Variants in AGPAT4 observed in about 807,000 individuals in gnomAD.
The protein encoded by AGPAT4 is 1-acylglycerol-3-phosphate O-acyltransferase 4.
In AGPAT4, 15 loss-of-function variants were observed where a neutral mutation model predicts 48.0. The ratio of observed to expected loss-of-function variants is 0.31; its 90% CI spans 0.21 to 0.48. The LOEUF is 0.48. AGPAT4 is among the 20% of genes least tolerant of loss of function. AGPAT4 has a pLI of 0.99. For missense variants in AGPAT4, 314 were observed against 482.5 expected, an observed-to-expected ratio of 0.65 and a Z score of 3.27; for synonymous variants, 178 against 198.7, an observed-to-expected ratio of 0.90 and a Z score of 0.88.
Position 161,154,110 on chromosome 6 carries a change from A to C in AGPAT4, c.510+39T>G. 1 of 1,613,356 alleles carries C rather than the reference A, an allele frequency of 6.2e-7. No homozygotes were observed. The highest frequency in any genetic ancestry group is 1.6e-4 in the Middle Eastern group (1 of 6,062). ...GGGGGTCCCACGGTCACAGTCCTGC[A>C]GGAGCCCTTGGGACACAGCTGCTCT... On this transcript the variant is annotated intron_variant, in intron 4 of 8. Transcript: ENST00000320285. The surrounding 1 kb of genome is among the most constrained non-coding windows in gnomAD (Gnocchi z 7.8).
In AGPAT4 at chr6:161,142,192, C is replaced by T. The variant is rs1024124647; in HGVS notation, c.844-2572G>A. Among the ~76,000 whole-genome samples the T allele has an allele frequency of 2.6e-5, 4 of 152,206 alleles. No individual in the cohort carries two copies. The highest frequency in any genetic ancestry group is 9.6e-5 in the African/African-American group (4 of 41,456). ...AGTTTTCTTTGTCTGTGGTTTAAAA[C>T]ACTAAATCTCATCCCCTCCCCTCAC... On this transcript the variant is annotated intron_variant, in intron 7 of 8. Transcript: ENST00000320285. This position sits in a 1 kb window ranked among gnomAD's most constrained non-coding sequence, Gnocchi z 6.4.
In AGPAT4 at chr6:161,222,769, C is replaced by T. The variant is rs961750000; in HGVS notation, c.178+9267G>A. Among the ~76,000 whole-genome samples, 3 of 152,146 alleles carry T rather than the reference C, an allele frequency of 2.0e-5. No individual in the cohort carries two copies. The highest frequency in any genetic ancestry group is 4.4e-5 in the Non-Finnish European group (3 of 68,028). ...GTTGCTGCTAGGCGCTACTGTATGC[C>T]TGCCTGCTCTCCTGCAGGTGTCTGT... is the stretch of plus-strand genomic sequence containing the variant. On this transcript the variant is annotated intron_variant, in intron 2 of 8. Transcript: ENST00000320285. The surrounding 1 kb of genome is among the most constrained non-coding windows in gnomAD (Gnocchi z 5.9).
rs963441288 is a variant in AGPAT4 at position 161,146,702 on chromosome 6, T to C, written c.768-103A>G. On this transcript the variant is annotated intron_variant, in intron 6 of 8. Coordinates refer to ENST00000320285, the MANE Select transcript of AGPAT4 (RefSeq NM_020133.3). This position sits in a 1 kb window ranked among gnomAD's most constrained non-coding sequence, Gnocchi z 7.1. ...GTTTTTTGTTTTTATCTGGGTCACC[T>C]AAATAATGTGGAACTGAAGAGAGTA... 9.8e-6 allele frequency: 10 copies of C among 1,019,958 alleles called. No individual in the cohort carries two copies. Among genetic ancestry groups the C allele is most frequent in the Admixed American group, 2.0e-5 (1 of 50,850 alleles). 63.2% of individuals were successfully genotyped at this position (1,019,958 alleles called of 1,614,324 possible). A position where few individuals can be genotyped will look rare whatever the true frequency, so the allele number is the denominator to read the frequency against.
intron 1 of AGPAT4, among the ~76,000 whole-genome samples, chr6:161,237,207 A>G (rs1370744910): frequency 6.6e-6 from 1 of 152,236 alleles, no homozygotes; most frequent in Non-Finnish European, 1.5e-5. Context: ...AAGGAGACAT[A>G]ATCTAATCCA....
chr6:161,135,044 T>C lies in AGPAT4; in HGVS notation c.*1496A>G, dbSNP rs1441998316. ...TTATTGTCCTGTAAGCAGAGGGAGC[T>C]TCTCTAGAGCTGTCTTGTAACTCCT... On this transcript the variant is annotated 3_prime_UTR_variant, in exon 9 of 9. Transcript: ENST00000320285. 6.6e-6 allele frequency: 1 copy of C among 152,214 alleles called. No individual in the cohort carries two copies. The highest frequency in any genetic ancestry group is 1.5e-5 in the Non-Finnish European group (1 of 68,050). 9.4% of individuals were successfully genotyped at this position (152,214 alleles called of 1,614,324 possible).
intron 2 of AGPAT4, among the ~76,000 whole-genome samples, chr6:161,205,761 T>TAATAATAACAAC (rs71004032): frequency 8.1e-5 from 12 of 149,040 alleles, no homozygotes; most frequent in African/African-American, 1.2e-4. Flanking sequence ...ATAATAATAA[T>TAATAATAACAAC]AACAACAAAC....
rs901148645 is a variant in AGPAT4, at chr6:161,130,576, C to T, written c.*5964G>A. ...CACTGTTCACTTAGAGCAACTCATT[C>T]CCTGACCTGAACCGGGTGTGTTCCA... is the stretch of plus-strand genomic sequence containing the variant. On this transcript the variant is annotated 3_prime_UTR_variant, in exon 9 of 9. Coordinates refer to ENST00000320285, the MANE Select transcript of AGPAT4 (RefSeq NM_020133.3). 1.5e-5 allele frequency: 3 copies of T among 206,140 alleles called. No individual in the cohort carries two copies. The highest frequency in any genetic ancestry group is 6.8e-5 in the African/African-American group (3 of 44,068). 12.8% of individuals were successfully genotyped at this position (206,140 alleles called of 1,614,324 possible).
rs1006009389 is a variant in AGPAT4 at position 161,264,887 on chromosome 6, T to C, written c.-90+9051A>G. ...AGGACTAGTTATGGGACCCCTAGAGTCCCCCAGGGCTGGGGAGCTGAAGCC... is the reference window on the plus strand; with the variant it reads ...AGGACTAGTTATGGGACCCCTAGAGCCCCCCAGGGCTGGGGAGCTGAAGCC... On this transcript the variant is annotated intron_variant, in intron 1 of 8. Transcript: ENST00000320285. The surrounding 1 kb of genome is among the most constrained non-coding windows in gnomAD (Gnocchi z 6.8). Among the ~76,000 whole-genome samples, 1 of 151,518 alleles carries C rather than the reference T, an allele frequency of 6.6e-6. No homozygotes were observed. The highest frequency in any genetic ancestry group is 2.4e-5 in the African/African-American group (1 of 41,174).
Position 161,136,537 on chromosome 6 carries a change from G to A in AGPAT4, c.*3C>T, listed in dbSNP as rs1779072434. 3 of 1,613,850 alleles carry A rather than the reference G, an allele frequency of 1.9e-6. No individual in the cohort carries two copies. The South Asian group carries it at 3.3e-5, about 18-fold the overall frequency. On this transcript the variant is annotated 3_prime_UTR_variant, in exon 9 of 9. Transcript: ENST00000320285. Reference sequence around the variant, plus strand: ...TCCCTTCGGATGGTGACACCTCCCTGAGTCAGTCATTCAGTTTCTGCTTGC... The same window carrying A: ...TCCCTTCGGATGGTGACACCTCCCTAAGTCAGTCATTCAGTTTCTGCTTGC...
rs910245919 is a variant in AGPAT4, at chr6:161,202,190, G to C, written c.178+29846C>G. On this transcript the variant is annotated intron_variant, in intron 2 of 8. Transcript: ENST00000320285. The surrounding 1 kb of genome is among the most constrained non-coding windows in gnomAD (Gnocchi z 5.4). The stretch of plus-strand genomic sequence containing the variant: ...ATTATCTCCGACAGTTTCTGAAGGT[G>C]GAGAATTCAGGACTGACATGGCTGA... 2.6e-5 allele frequency among the ~76,000 whole-genome samples: 4 copies of C among 152,134 alleles called. No individual in the cohort carries two copies. Among genetic ancestry groups the C allele is most frequent in the African/African-American group, 9.7e-5 (4 of 41,412 alleles).
At chr6:161,258,617 C>T (rs1311625420) in intron 1 of AGPAT4, among the ~76,000 whole-genome samples, 2 of 152,010 alleles carry the variant, frequency 1.3e-5, no homozygotes, top group Non-Finnish European at 2.9e-5. Context: ...TGGACTTCAC[C>T]ACCTATATAT....
In AGPAT4 at chr6:161,165,324, C is replaced by G. The variant is rs1250930640; in HGVS notation, c.348+924G>C. 1.3e-5 allele frequency among the ~76,000 whole-genome samples: 2 copies of G among 152,192 alleles called. No individual in the cohort carries two copies. The highest frequency in any genetic ancestry group is 1.5e-5 in the Non-Finnish European group (1 of 68,034). On this transcript the variant is annotated intron_variant, in intron 3 of 8. Coordinates refer to ENST00000320285, the MANE Select transcript of AGPAT4 (RefSeq NM_020133.3). The surrounding 1 kb of genome is among the most constrained non-coding windows in gnomAD (Gnocchi z 5.5). ...GGCTATCTTCATCTGCCTCCAGGAACCAGACCCGTCTAGTTCCCTATGTCC... is the reference window on the plus strand; with the variant it reads ...GGCTATCTTCATCTGCCTCCAGGAAGCAGACCCGTCTAGTTCCCTATGTCC...
rs372692302 is a variant in AGPAT4 at position 161,166,224 on chromosome 6, G to C, written c.348+24C>G. 4.5e-5 allele frequency: 72 copies of C among 1,609,488 alleles called. No homozygotes were observed. In the East Asian group the frequency reaches 7.6e-4, roughly 17 times the overall value. Reference sequence around the variant, plus strand: ...CTGAACCAGAGAAATGTGTGAGGCAGGGGGGAATGCACTTCTGACTTACCC... The same window carrying C: ...CTGAACCAGAGAAATGTGTGAGGCACGGGGGAATGCACTTCTGACTTACCC... On this transcript the variant is annotated intron_variant, in intron 3 of 8. Coordinates refer to ENST00000320285, the MANE Select transcript of AGPAT4 (RefSeq NM_020133.3). The surrounding 1 kb of genome is among the most constrained non-coding windows in gnomAD (Gnocchi z 6.7).
rs943678428 is a variant in AGPAT4, at chr6:161,215,262, T to C, written c.178+16774A>G. Among the ~76,000 whole-genome samples the C allele has an allele frequency of 2.0e-5, 3 of 152,218 alleles. No individual in the cohort carries two copies. The highest frequency in any genetic ancestry group is 4.4e-5 in the Non-Finnish European group (3 of 68,030). On this transcript the variant is annotated intron_variant, in intron 2 of 8. Coordinates refer to ENST00000320285, the MANE Select transcript of AGPAT4 (RefSeq NM_020133.3). This position sits in a 1 kb window ranked among gnomAD's most constrained non-coding sequence, Gnocchi z 4.5. ...CATGTGTTGTAATCTGTTGCCTAGT[T>C]AGCAAATGTTTCTGTAGAATTAAGC...
rs561268076 is a variant in AGPAT4, at chr6:161,264,991, C to T, written c.-90+8947G>A. Among the ~76,000 whole-genome samples the T allele has an allele frequency of 1.4e-4, 21 of 152,100 alleles. No homozygotes were observed. In the East Asian group the frequency reaches 3.1e-3, roughly 22 times the overall value. ...TCCTGTAAGTGAGAAGCACCAGGGA[C>T]GGAAAGGGAAAGAAAGGCTTGAAAT... On this transcript the variant is annotated intron_variant, in intron 1 of 8. Transcript: ENST00000320285. This position sits in a 1 kb window ranked among gnomAD's most constrained non-coding sequence, Gnocchi z 6.8.
intron 2 of AGPAT4, among the ~76,000 whole-genome samples, chr6:161,230,825 C>T (rs1782103458): frequency 6.6e-6 from 1 of 152,182 alleles, no homozygotes; most frequent in Non-Finnish European, 1.5e-5. Context: ...TTCTATAAAG[C>T]ATTGTAATAC....
Position 161,142,464 on chromosome 6 carries a change from T to G in AGPAT4, c.844-2844A>C, listed in dbSNP as rs1779285544. On this transcript the variant is annotated intron_variant, in intron 7 of 8. Coordinates refer to ENST00000320285, the MANE Select transcript of AGPAT4 (RefSeq NM_020133.3). The surrounding 1 kb of genome is among the most constrained non-coding windows in gnomAD (Gnocchi z 6.4). ...TAGTTATTGAATGAAGGAGAGTTGG[T>G]TTGTTTCCAGAAAGAAGCATCAACC... Among the ~76,000 whole-genome samples the G allele has an allele frequency of 6.6e-6, 1 of 152,102 alleles. No homozygotes were observed. The highest frequency in any genetic ancestry group is 2.4e-5 in the African/African-American group (1 of 41,404).
chr6:161,154,467 T>C lies in AGPAT4; in HGVS notation c.349-157A>G, dbSNP rs1015359601. ...ATGCTGTCGAGGCCATGGACCCTGG[T>C]GCCCTCCCCACCTTTCAGCTAGAGG... is the stretch of plus-strand genomic sequence containing the variant. On this transcript the variant is annotated intron_variant, in intron 3 of 8. Coordinates refer to ENST00000320285, the MANE Select transcript of AGPAT4 (RefSeq NM_020133.3). This position sits in a 1 kb window ranked among gnomAD's most constrained non-coding sequence, Gnocchi z 7.8. Among the ~76,000 whole-genome samples the C allele has an allele frequency of 6.6e-6, 1 of 152,172 alleles. No individual in the cohort carries two copies. The highest frequency in any genetic ancestry group is 1.5e-5 in the Non-Finnish European group (1 of 68,014).
chr6:161,136,575 C>T lies in AGPAT4; in HGVS notation c.1102G>A (p.Gly368Ser), dbSNP rs778743155. The T allele has an allele frequency of 1.2e-6, 2 of 1,614,164 alleles. No individual in the cohort carries two copies. Among genetic ancestry groups the T allele is most frequent in the Admixed American group, 1.7e-5 (1 of 60,026 alleles). The change falls in exon 9 of 9, where the codon GGC (glycine) becomes AGC (serine). Residue 368 changes from glycine (G) to serine (S), a missense_variant. Coordinates refer to ENST00000320285, the MANE Select transcript of AGPAT4 (RefSeq NM_020133.3). ...VTEIDKGSAY[G>S]NSDSKQKLND ...AGTTTCTGCTTGCTGTCAGAGTTGC[C>T]GTAGGCAGAGCCCTTGTCAATTTCC...
Sources: gnomAD v4.1 joint callset for allele counts (sites outside exome capture counted in the v4.1 genomes callset) on GRCh38, gnomAD v4.1.1 for gene constraint, Gnocchi (gnomAD v3.1) non-coding constraint, MANE v1.5 for transcripts, NCBI Gene and HGNC (gene_info 2026-07-23, HGNC 2026-07-21) for gene names.